MCF2L: variants seen among roughly 807,000 people sequenced by gnomAD.
The protein encoded by MCF2L is guanine nucleotide exchange factor DBS.
A neutral mutation model predicts 153.4 loss-of-function variants in MCF2L; 97 were observed. The ratio of observed to expected loss-of-function variants is 0.63; its 90% CI spans 0.54 to 0.75. The LOEUF (loss-of-function observed/expected upper bound fraction) is 0.75. MCF2L is among the 30% of genes least tolerant of loss of function. The pLI, the probability that MCF2L is intolerant of heterozygous loss-of-function variation, is 0.00. For missense variants in MCF2L, 1,347 were observed against 1,495.2 expected (o/e 0.90, Z 1.64); for synonymous variants, 659 against 632.2 (o/e 1.04, Z -0.64).
rs568799823 is a variant in MCF2L, at chr13:113,047,839, G to A, written c.369+2478G>A. ...GCTCACACCTCGCTACGCGTGCCCTGTCCCCTCTGCTCACGCCTCACTACG... is the reference window on the plus strand; with the variant it reads ...GCTCACACCTCGCTACGCGTGCCCTATCCCCTCTGCTCACGCCTCACTACG... On this transcript the variant is annotated intron_variant, in intron 4 of 29. Coordinates refer to ENST00000535094, the MANE Select transcript of MCF2L (RefSeq NM_001112732.3). Among the ~76,000 whole-genome samples, 668 of 85,888 alleles carry A rather than the reference G, an allele frequency of 7.8e-3. 8 individuals carry two copies. The highest frequency in any genetic ancestry group is 0.029 in the African/African-American group (609 of 21,170). The allele number at this position is 85,888 out of a possible 152,430, so 56.3% of individuals were successfully genotyped here. A position where few individuals can be genotyped will look rare whatever the true frequency, so the allele number is the denominator to read the frequency against.
Position 112,907,000 on chromosome 13 carries a change from C to T in MCF2L, c.169+4629C>T, listed in dbSNP as rs371936757. Among the ~76,000 whole-genome samples the T allele has an allele frequency of 2.2e-4, 34 of 152,282 alleles. 1 individual carries two copies. The highest frequency in any genetic ancestry group is 8.2e-4 in the African/African-American group (34 of 41,558). On this transcript the variant is annotated intron_variant, in intron 2 of 29. Transcript: ENST00000375608. ...TTGGGCTTAGGGTGAAGAAGAGCAG[C>T]GAAGAAACAGACACATTTGCCGCCT...
chr13:113,000,641 G>GGGAGCCGAGGTTTCCAGAGGCA, intron 1 of MCF2L, among the ~76,000 whole-genome samples: 1 of 152,356 alleles, frequency 6.6e-6, no homozygotes, highest in Non-Finnish European at 1.5e-5. Flanking sequence ...TTGGACCTGA[G>GGGAGCCGAGGTTTCCAGAGGCA]GGAGCCGAGG....
intron 1 of MCF2L, among the ~76,000 whole-genome samples, chr13:112,976,131 G>A (rs919850453): frequency 9.8e-5 from 13 of 133,184 alleles, no homozygotes; most frequent in Admixed American, 2.2e-4. Flanking sequence ...GGCTCTCAGC[G>A]AATGTTCCGG....
At chr13:112,985,988 G>A (rs1392865898) in intron 1 of MCF2L, among the ~76,000 whole-genome samples, 6 of 152,066 alleles carry the variant, frequency 3.9e-5, no homozygotes, top group East Asian at 1.9e-4. Flanking sequence ...TGTGAGCCCC[G>A]GCCACTCTTC....
intron 1 of MCF2L, among the ~76,000 whole-genome samples, chr13:112,992,461 C>T (rs1388491297): frequency 6.6e-6 from 1 of 152,262 alleles, no homozygotes; most frequent in Non-Finnish European, 1.5e-5. Context: ...GGAAGCCGTG[C>T]TCCTGTGGGG....
intron 1 of MCF2L, among the ~76,000 whole-genome samples, chr13:113,000,814 CG>C (rs1242178734): frequency 2.6e-5 from 4 of 152,318 alleles, no homozygotes; most frequent in African/African-American, 9.6e-5. Flanking sequence ...AGAAAGGCGC[CG>C]GAAGAGGCCG....
chr13:113,096,724 T>C (rs1012624378), intron 29 of MCF2L, 50 bp from the exon 30 acceptor site: 3 of 1,554,534 alleles, frequency 1.9e-6, no homozygotes, highest in Non-Finnish European at 2.6e-6. Flanking sequence ...GCCCCGTGTG[T>C]GCCCGGCAGA....
chr13:112,968,373 G>T, upstream of MCF2L: 1 of 1,480,196 alleles, frequency 6.8e-7, no homozygotes, highest in Non-Finnish European at 9.0e-7. Context: ...CTGTGATGGC[G>T]GCCATGGCCC....
chr13:113,017,118 G>C (rs1412966416), intron 2 of MCF2L, among the ~76,000 whole-genome samples: 1 of 152,194 alleles, frequency 6.6e-6, no homozygotes, highest in East Asian at 1.9e-4. Context: ...TGGCAGCCTC[G>C]GGTGTGTGCG....
intron 27 of MCF2L, chr13:113,095,562 G>T (rs1472174773): frequency 9.9e-7 from 1 of 1,006,176 alleles, no homozygotes; most frequent in Non-Finnish European, 1.2e-6. Context: ...GCCAGTACAG[G>T]CCATCACGTG....
intron 4 of MCF2L, among the ~76,000 whole-genome samples, chr13:113,058,863 G>T (rs1006379533): frequency 6.6e-6 from 1 of 151,198 alleles, no homozygotes; most frequent in African/African-American, 2.4e-5. Flanking sequence ...TTTGGGTGAT[G>T]TGTGGGCGCT....
intron 4 of MCF2L, among the ~76,000 whole-genome samples, chr13:113,059,491 G>C (rs967771916): frequency 6.6e-6 from 1 of 152,240 alleles, no homozygotes; most frequent in Non-Finnish European, 1.5e-5. Context: ...ATTTAACTTA[G>C]TTATCCAGAA....
chr13:112,923,404 C>T (rs1270534042), intron 2 of MCF2L, among the ~76,000 whole-genome samples: 1 of 151,648 alleles, frequency 6.6e-6, no homozygotes, highest in East Asian at 1.9e-4. Flanking sequence ...GCTGGGACTA[C>T]AGGCGCCCGC....
Position 113,031,250 on chromosome 13 carries a change from C to T in MCF2L, c.278+6492C>T, listed in dbSNP as rs1159446480. Among the ~76,000 whole-genome samples the T allele has an allele frequency of 6.6e-6, 1 of 150,970 alleles. No homozygotes were observed. Among genetic ancestry groups the T allele is most frequent in the East Asian group, 2.0e-4 (1 of 5,104 alleles). ...GACAGAGAGAAGAGACAGAGAGTGA[C>T]AGAGATAGAGACAGACAGACAGAGA... On this transcript the variant is annotated intron_variant, in intron 3 of 29. Transcript: ENST00000535094. This position sits in a 1 kb window ranked among gnomAD's most constrained non-coding sequence, Gnocchi z 5.5.
intron 1 of MCF2L, among the ~76,000 whole-genome samples, chr13:112,998,730 G>A (rs867997770): frequency 6.6e-6 from 1 of 152,200 alleles, no homozygotes; most frequent in Admixed American, 6.5e-5. Flanking sequence ...TGCTGTGGGT[G>A]TGGTTTCACG....
Position 113,045,242 on chromosome 13 carries a change from T to A in MCF2L, c.279-29T>A, listed in dbSNP as rs1398459119. On this transcript the variant is annotated intron_variant, in intron 3 of 29. Coordinates refer to ENST00000535094, the MANE Select transcript of MCF2L (RefSeq NM_001112732.3). This position sits in a 1 kb window ranked among gnomAD's most constrained non-coding sequence, Gnocchi z 4.2. ...GCAGCCGGCTTCCCACCTGCACACA[T>A]TAACGGCGGCGTCTCTTCCTCACTG... is the stretch of plus-strand genomic sequence containing the variant. 2.5e-6 allele frequency: 4 copies of A among 1,581,006 alleles called. No homozygotes were observed. Among genetic ancestry groups the A allele is most frequent in the Non-Finnish European group, 3.5e-6 (4 of 1,150,198 alleles).
chr13:112,970,286 A>G (rs1038359236), intron 1 of MCF2L, among the ~76,000 whole-genome samples: 6 of 152,100 alleles, frequency 3.9e-5, no homozygotes, highest in African/African-American at 1.4e-4. Context: ...CTTGCCTGGG[A>G]GATTAAAATG....
chr13:112,937,501 A>G (rs995628653), intron 2 of MCF2L, among the ~76,000 whole-genome samples: 1 of 152,254 alleles, frequency 6.6e-6, no homozygotes. Context: ...TGGAGGAAAG[A>G]GACTTTATTC....
chr13:112,947,299 T>C (rs1192271760), intron 2 of MCF2L, among the ~76,000 whole-genome samples: 1 of 152,204 alleles, frequency 6.6e-6, no homozygotes, highest in Admixed American at 6.5e-5. Context: ...AAAATGCATG[T>C]TCTTTTCACA....
Sources: allele counts gnomAD v4.1 joint callset (sites outside exome capture counted in the v4.1 genomes callset), GRCh38; gene constraint gnomAD v4.1.1; non-coding constraint Gnocchi (gnomAD v3.1); transcripts MANE v1.5; gene names NCBI Gene and HGNC (gene_info 2026-07-23, HGNC 2026-07-21).